Variants in FANCC observed in about 807,000 individuals in gnomAD.
FANCC encodes FA complementation group C.
FANCC carries 55 observed loss-of-function variants against 71.3 expected under a neutral mutation model. The ratio of observed to expected loss-of-function variants is 0.77; its 90% CI spans 0.62 to 0.97. The LOEUF is 0.97. Ranked by LOEUF, FANCC falls within the 50% of genes least tolerant of loss-of-function variation. The pLI is 0.00. For synonymous variants in FANCC, 275 were observed against 244.9 expected (o/e 1.12, Z -1.15); for missense variants, 678 against 670.9 (o/e 1.01, Z -0.12).
chr9:95,103,386 C>T (rs1051733204), intron 14 of FANCC, among the ~76,000 whole-genome samples: 11 of 152,208 alleles, frequency 7.2e-5, no homozygotes, highest in Admixed American at 3.9e-4. Context: ...ATTTTGAGTT[C>T]AACGACTACA....
At chr9:95,310,889 TGA>T in intron 1 of FANCC, among the ~76,000 whole-genome samples, 1 of 152,226 alleles carries the variant, frequency 6.6e-6, no homozygotes, top group African/African-American at 2.4e-5. Context: ...GGCAATAATA[TGA>T]ACTGCAGTGC....
chr9:95,196,934 C>T (rs555287289), intron 4 of FANCC, among the ~76,000 whole-genome samples: 3 of 152,320 alleles, frequency 2.0e-5, no homozygotes, highest in African/African-American at 4.8e-5. Flanking sequence ...CTCCTGTGGC[C>T]TCTACCTTTC....
chr9:95,294,681 C>G (rs1834266478), intron 1 of FANCC: 1 of 1,594,320 alleles, frequency 6.3e-7, no homozygotes. Flanking sequence ...TGTTCTTCAC[C>G]AACAACGAAA....
At position 95,099,502 on chromosome 9, in the gene FANCC, G is replaced by A. The variant is rs889963119; in HGVS notation, c.*2205C>T. On this transcript the variant is annotated 3_prime_UTR_variant, in exon 15 of 15. Coordinates refer to ENST00000289081, the MANE Select transcript of FANCC (RefSeq NM_000136.3). ...CACCTGCCCAGGCTTTGCCGAAATCGAAGGCAACAAGAGGGGGAGGTGGGC... is the reference window on the plus strand; with the variant it reads ...CACCTGCCCAGGCTTTGCCGAAATCAAAGGCAACAAGAGGGGGAGGTGGGC... 3.1e-5 allele frequency: 7 copies of A among 228,478 alleles called. No individual in the cohort carries two copies. Among genetic ancestry groups the A allele is most frequent in the African/African-American group, 9.0e-5 (4 of 44,646 alleles). 14.2% of individuals were successfully genotyped at this position (228,478 alleles called of 1,614,324 possible).
intron 1 of FANCC, among the ~76,000 whole-genome samples, chr9:95,253,746 G>C (rs539662158): frequency 2.0e-5 from 3 of 151,152 alleles, no homozygotes; most frequent in Admixed American, 6.6e-5. Flanking sequence ...TGAGATTCTG[G>C]TGCACCCATC....
intron 14 of FANCC, among the ~76,000 whole-genome samples, chr9:95,105,312 G>A (rs1202887317): frequency 2.6e-5 from 4 of 152,200 alleles, no homozygotes; most frequent in Non-Finnish European, 4.4e-5. Context: ...CGGCCTGGAC[G>A]GGAGCAGGAG....
chr9:95,242,079 AT>A (rs1288560616), intron 3 of FANCC, among the ~76,000 whole-genome samples: 1 of 152,030 alleles, frequency 6.6e-6, no homozygotes, highest in Non-Finnish European at 1.5e-5. Flanking sequence ...TTTTAAACCC[AT>A]TTTTTTCCCT....
chr9:95,118,964 CTTGT>C (rs1290157433), intron 10 of FANCC, among the ~76,000 whole-genome samples: 7 of 152,202 alleles, frequency 4.6e-5, no homozygotes, highest in Non-Finnish European at 5.9e-5. Flanking sequence ...CAGATAGATG[CTTGT>C]TTAACATCGT....
chr9:95,178,396 C>T (rs983045132), intron 4 of FANCC, among the ~76,000 whole-genome samples: 6 of 152,190 alleles, frequency 3.9e-5, no homozygotes, highest in Non-Finnish European at 7.4e-5. Context: ...TCAGAATGGC[C>T]GCCTTATCCC....
intron 8 of FANCC, among the ~76,000 whole-genome samples, chr9:95,134,519 G>A (rs1827363258): frequency 6.6e-6 from 1 of 152,168 alleles, no homozygotes; most frequent in African/African-American, 2.4e-5. Flanking sequence ...CAATCTCTGT[G>A]CCACATCCCT....
chr9:95,127,691 AAC>A (rs1287096725), intron 8 of FANCC, among the ~76,000 whole-genome samples: 1 of 152,204 alleles, frequency 6.6e-6, no homozygotes, highest in African/African-American at 2.4e-5. Flanking sequence ...AGCTTTGGGA[AAC>A]ACTGTTCACA....
intron 1 of FANCC, among the ~76,000 whole-genome samples, chr9:95,271,532 A>C (rs1832715959): frequency 2.0e-5 from 3 of 152,222 alleles, no homozygotes; most frequent in Non-Finnish European, 4.4e-5. Context: ...AGGTGTCCCC[A>C]GAGGGAATGT....
intron 4 of FANCC, among the ~76,000 whole-genome samples, chr9:95,218,313 A>C (rs1292822909): frequency 4.6e-5 from 7 of 152,114 alleles, no homozygotes; most frequent in Admixed American, 6.5e-5. Context: ...AAAAATTTCA[A>C]AATTAGCCAG....
intron 4 of FANCC, among the ~76,000 whole-genome samples, chr9:95,196,539 C>G (rs959837695): frequency 1.3e-5 from 2 of 152,104 alleles, no homozygotes; most frequent in Non-Finnish European, 2.9e-5. Flanking sequence ...TTTATCTACA[C>G]CAGACACGAC....
chr9:95,257,623 A>G (rs1049977073), intron 1 of FANCC, among the ~76,000 whole-genome samples: 31 of 152,228 alleles, frequency 2.0e-4, no homozygotes, highest in Non-Finnish European at 4.0e-4. Flanking sequence ...TAAAAGAACT[A>G]GAGAAGCAAG....
intron 1 of FANCC, among the ~76,000 whole-genome samples, chr9:95,306,452 A>G (rs1168078802): frequency 6.6e-6 from 1 of 152,166 alleles, no homozygotes; most frequent in Non-Finnish European, 1.5e-5. Context: ...AAAGCCTGCG[A>G]AAGACTTGCT....
At chr9:95,294,398 G>C (rs1012048482) in intron 1 of FANCC, 56 of 1,602,646 alleles carry the variant, frequency 3.5e-5, no homozygotes, top group Middle Eastern at 1.6e-4. Context: ...CAGTCCTATG[G>C]GTGTAGGGGA....
At chr9:95,211,002 T>G (rs1029035143) in intron 4 of FANCC, among the ~76,000 whole-genome samples, 7 of 152,220 alleles carry the variant, frequency 4.6e-5, no homozygotes, top group African/African-American at 1.7e-4. Flanking sequence ...GGCTTACCAA[T>G]TTTTTCAAAG....
intron 6 of FANCC, 139 bp from the exon 7 acceptor site, chr9:95,150,226 C>T: frequency 2.6e-6 from 2 of 765,336 alleles, no homozygotes; most frequent in South Asian, 1.6e-5. Context: ...CTAACACCAT[C>T]GATGAACACT....
Sources: gnomAD v4.1 joint callset for allele counts (sites outside exome capture counted in the v4.1 genomes callset) on GRCh38, gnomAD v4.1.1 for gene constraint, MANE v1.5 for transcripts, NCBI Gene and HGNC (gene_info 2026-07-23, HGNC 2026-07-21) for gene names.